The following FARS2 variants were observed in gnomAD, a reference collection of about 807,000 sequenced individuals.
FARS2 encodes phenylalanine--tRNA ligase, mitochondrial.
A neutral mutation model predicts 46.4 loss-of-function variants in FARS2; 40 were observed. The observed-to-expected ratio is 0.86, with a 90% confidence interval of 0.67 to 1.12. The LOEUF (loss-of-function observed/expected upper bound fraction) is 1.12, where lower values mean the gene tolerates loss of function less well. Ranked by LOEUF, FARS2 falls within the 50% of genes most tolerant of loss-of-function variation. The probability of loss-of-function intolerance (pLI) is 0.00; values close to 1 mark genes in which losing one functional copy is unlikely to be tolerated. For synonymous variants in FARS2, 234 were observed against 214.9 expected (o/e 1.09, Z -0.78); for missense variants, 513 against 567.9 (o/e 0.90, Z 0.98).
chr6:5,604,377 C>A (rs546304377), intron 5 of FARS2, among the ~76,000 whole-genome samples: 186 of 148,738 alleles, frequency 1.3e-3, no homozygotes, highest in Non-Finnish European at 2.0e-3. Flanking sequence ...AGGTCAGTTT[C>A]CCCCCCAGAA....
At chr6:5,305,660 G>T (rs1561945554) in intron 1 of FARS2, among the ~76,000 whole-genome samples, 1 of 152,202 alleles carries the variant, frequency 6.6e-6, no homozygotes, top group Non-Finnish European at 1.5e-5. Context: ...GGGTGACTGG[G>T]GACCCCAAGT....
intron 5 of FARS2, among the ~76,000 whole-genome samples, chr6:5,558,551 T>A (rs1771801672): frequency 2.0e-5 from 3 of 152,076 alleles, no homozygotes; most frequent in South Asian, 4.1e-4. Flanking sequence ...TTGTTTATTT[T>A]TTTGAGACGG....
intron 6 of FARS2, among the ~76,000 whole-genome samples, chr6:5,657,033 A>G (rs1014522667): frequency 6.6e-6 from 1 of 152,234 alleles, no homozygotes; most frequent in Non-Finnish European, 1.5e-5. Context: ...TACAGATACT[A>G]AAATATTTTA....
intron 6 of FARS2, among the ~76,000 whole-genome samples, chr6:5,751,622 C>T (rs1391295998): frequency 1.3e-5 from 2 of 152,180 alleles, no homozygotes; most frequent in African/African-American, 4.8e-5. Context: ...CCACTAGTGC[C>T]AGGGGTGGGC....
chr6:5,426,823 A>AG (rs1762881969), intron 3 of FARS2, among the ~76,000 whole-genome samples: 1 of 152,118 alleles, frequency 6.6e-6, no homozygotes, highest in Non-Finnish European at 1.5e-5. Flanking sequence ...ATGGGGTTTC[A>AG]CCATGTTGGC....
chr6:5,431,079 AC>A lies in FARS2; in HGVS notation c.812del (p.Thr271AsnfsTer23), dbSNP rs1429774361. On this transcript the variant is annotated frameshift_variant, in exon 4 of 7. Coordinates refer to ENST00000274680, the MANE Select transcript of FARS2 (RefSeq NM_006567.5). LOFTEE classifies it high-confidence loss of function. ...IRWVDCYFPF[T>X]HPSFEMEINF... ...ATGGGTAGACTGCTACTTCCCTTTT[AC>A]ACATCCTTCCTTTGAGATGGAGATC... The A allele has an allele frequency of 5.6e-6, 9 of 1,613,846 alleles. No homozygotes were observed. The highest frequency in any genetic ancestry group is 7.6e-6 in the Non-Finnish European group (9 of 1,179,876).
chr6:5,260,914 T>C, upstream of FARS2: 1 of 1,368,624 alleles, frequency 7.3e-7, no homozygotes, highest in Non-Finnish European at 9.4e-7. Context: ...GCGCCAGGCG[T>C]CCCGCGCCGC....
intron 6 of FARS2, among the ~76,000 whole-genome samples, chr6:5,656,851 C>T (rs2150772327): frequency 6.6e-6 from 1 of 152,214 alleles, no homozygotes; most frequent in African/African-American, 2.4e-5. Flanking sequence ...GTCCGGCCAA[C>T]CTTGTTCTTT....
At chr6:5,402,280 T>A (rs1167138728) in intron 2 of FARS2, among the ~76,000 whole-genome samples, 2 of 151,922 alleles carry the variant, frequency 1.3e-5, no homozygotes, top group Non-Finnish European at 2.9e-5. Context: ...TTTTTGTTCT[T>A]AATTTTTGAG....
chr6:5,396,619 G>A (rs912533581), intron 2 of FARS2, among the ~76,000 whole-genome samples: 8 of 152,144 alleles, frequency 5.3e-5, no homozygotes, highest in African/African-American at 1.7e-4. Flanking sequence ...AAATAATTTT[G>A]TTACAATTTT....
intron 6 of FARS2, among the ~76,000 whole-genome samples, chr6:5,758,966 G>A (rs1762351081): frequency 6.7e-6 from 1 of 150,130 alleles, no homozygotes; most frequent in Non-Finnish European, 1.5e-5. Flanking sequence ...GAGAGATTGG[G>A]GTTCTGTTTC....
intron 4 of FARS2, among the ~76,000 whole-genome samples, chr6:5,536,253 G>A (rs907181962): frequency 2.6e-5 from 4 of 151,928 alleles, no homozygotes; most frequent in East Asian, 1.9e-4. Flanking sequence ...TTTCACTGTC[G>A]ATCTCCTGAC....
chr6:5,402,683 T>A (rs1218646201), intron 2 of FARS2, among the ~76,000 whole-genome samples: 1 of 152,152 alleles, frequency 6.6e-6, no homozygotes, highest in Admixed American at 6.5e-5. Context: ...ATTTGCATCT[T>A]TTTTCTCTTC....
chr6:5,267,080 T>C (rs1318125227), intron 1 of FARS2, among the ~76,000 whole-genome samples: 1 of 152,012 alleles, frequency 6.6e-6, no homozygotes, highest in Admixed American at 6.5e-5. Flanking sequence ...CCCGTATTTG[T>C]GGGCAGTAAC....
In FARS2 at chr6:5,369,129, C is replaced by A; in HGVS notation, c.559C>A (p.His187Asn). ...CAGGCGTGACCAGATCGACTCCCAG[C>A]ACTACCCTATTTTCCACCAGCTGGA... ...VYRRDQIDSQ[H>N]YPIFHQLEAV... Residue 187 changes from histidine (H) to asparagine (N), a missense_variant, in exon 2 of 7, where the codon CAC (histidine) becomes AAC (asparagine). Coordinates refer to ENST00000274680, the MANE Select transcript of FARS2 (RefSeq NM_006567.5). 6.2e-7 allele frequency: 1 copy of A among 1,612,726 alleles called. No homozygotes were observed. Among genetic ancestry groups the A allele is most frequent in the Non-Finnish European group, 8.5e-7 (1 of 1,180,006 alleles).
At chr6:5,590,010 C>A (rs1340422047) in intron 5 of FARS2, among the ~76,000 whole-genome samples, 5 of 152,166 alleles carry the variant, frequency 3.3e-5, no homozygotes, top group Admixed American at 2.6e-4. Context: ...TACGGTTTCT[C>A]CATCTATAAA....
chr6:5,563,734 A>C (rs1449767839), intron 5 of FARS2, among the ~76,000 whole-genome samples: 5 of 152,194 alleles, frequency 3.3e-5, no homozygotes, highest in Non-Finnish European at 7.3e-5. Flanking sequence ...TGGTGAGAAG[A>C]AACAATTTGA....
intron 1 of FARS2, among the ~76,000 whole-genome samples, chr6:5,353,375 A>T (rs115267189): frequency 0.021 from 3,256 of 152,298 alleles, 47 homozygotes; most frequent in Non-Finnish European, 0.031. Context: ...GAGTGCAGAT[A>T]TATCTTTGAC....
intron 5 of FARS2, among the ~76,000 whole-genome samples, chr6:5,549,972 C>G (rs1771273279): frequency 6.6e-6 from 1 of 152,144 alleles, no homozygotes; most frequent in Non-Finnish European, 1.5e-5. Context: ...ATTTAATTAT[C>G]TAAAGCTGGT....
Sources: allele counts gnomAD v4.1 joint callset (sites outside exome capture counted in the v4.1 genomes callset), GRCh38; gene constraint gnomAD v4.1.1; transcripts MANE v1.5; gene names NCBI Gene and HGNC (gene_info 2026-07-23, HGNC 2026-07-21).